GALNT13: variants seen among roughly 807,000 people sequenced by gnomAD.
The protein encoded by GALNT13 is UDP-GalNAc:polypeptide N-acetylgalactosaminyltransferase 13.
GALNT13 carries 28 observed loss-of-function variants against 64.2 expected under a neutral mutation model. The observed-to-expected ratio is 0.44, with a 90% CI of 0.32 to 0.60. The LOEUF (loss-of-function observed/expected upper bound fraction) is 0.60, where lower values mean the gene tolerates loss of function less well. GALNT13 is among the 20% of genes least tolerant of loss of function. The probability of loss-of-function intolerance (pLI) is 0.05; values close to 1 mark genes in which losing one functional copy is unlikely to be tolerated. For synonymous variants in GALNT13, 214 were observed against 224.6 expected (o/e 0.95, Z 0.42); for missense variants, 577 against 669.8 (o/e 0.86, Z 1.53).
intron 4 of GALNT13, among the ~76,000 whole-genome samples, chr2:154,189,704 G>A (rs969041133): frequency 2.5e-4 from 38 of 151,876 alleles, no homozygotes; most frequent in African/African-American, 8.9e-4. Context: ...GATTTGAAAT[G>A]GTAAACATAA....
chr2:153,948,344 C>A (rs1260323595), intron 3 of GALNT13, among the ~76,000 whole-genome samples: 1 of 151,580 alleles, frequency 6.6e-6, no homozygotes, highest in Non-Finnish European at 1.5e-5. Flanking sequence ...ACTAAAAAGT[C>A]AAAAAATAAC....
At chr2:153,524,062 GT>G in the GALNT13 span, among the ~76,000 whole-genome samples, 1 of 152,036 alleles carries the variant, frequency 6.6e-6, no homozygotes, top group African/African-American at 2.4e-5. Context: ...AGATTCATGT[GT>G]TTTTGTTTGT....
chr2:153,767,990 T>TTTGC, the GALNT13 span, among the ~76,000 whole-genome samples: 1 of 152,192 alleles, frequency 6.6e-6, no homozygotes, highest in African/African-American at 2.4e-5. Flanking sequence ...TTTTGTTGCA[T>TTTGC]TTGCTTGTAG....
intron 11 of GALNT13, among the ~76,000 whole-genome samples, chr2:154,424,605 C>A (rs1700393412): frequency 6.6e-6 from 1 of 152,044 alleles, no homozygotes; most frequent in Admixed American, 6.6e-5. Flanking sequence ...TCACCTCAAG[C>A]AAAAGCTGAG....
intron 1 of GALNT13, among the ~76,000 whole-genome samples, chr2:153,900,212 A>G (rs1283083872): frequency 2.0e-5 from 3 of 152,168 alleles, no homozygotes; most frequent in Admixed American, 6.5e-5. Context: ...AACACCGTAT[A>G]TACTCCGTAG....
the GALNT13 span, among the ~76,000 whole-genome samples, chr2:153,091,837 GT>G: frequency 6.6e-6 from 1 of 152,082 alleles, no homozygotes; most frequent in Non-Finnish European, 1.5e-5. Flanking sequence ...ACAGAAGCTT[GT>G]TTACTTGATG....
At chr2:153,995,385 G>A (rs1048978122) in intron 3 of GALNT13, among the ~76,000 whole-genome samples, 4 of 151,994 alleles carry the variant, frequency 2.6e-5, no homozygotes, top group African/African-American at 9.7e-5. Context: ...ACCACTGCCT[G>A]TTCATTTTGG....
At chr2:153,595,855 G>T in the GALNT13 span, among the ~76,000 whole-genome samples, 1 of 152,130 alleles carries the variant, frequency 6.6e-6, no homozygotes, top group Non-Finnish European at 1.5e-5. Context: ...GTTTAATCTT[G>T]TTCTGAGTGT....
At chr2:154,102,214 C>T (rs1327801346) in intron 3 of GALNT13, among the ~76,000 whole-genome samples, 1 of 152,144 alleles carries the variant, frequency 6.6e-6, no homozygotes, top group Non-Finnish European at 1.5e-5. Context: ...TTCTATCTCT[C>T]TATGATAATC....
At chr2:154,091,752 A>G (rs1701820208) in intron 3 of GALNT13, among the ~76,000 whole-genome samples, 1 of 151,984 alleles carries the variant, frequency 6.6e-6, no homozygotes, top group South Asian at 2.1e-4. Flanking sequence ...CTGTTAGAAG[A>G]TAAAAGTAAT....
the GALNT13 span, among the ~76,000 whole-genome samples, chr2:153,191,221 G>A: frequency 3.6e-4 from 55 of 152,052 alleles, no homozygotes; most frequent in African/African-American, 1.2e-3. Context: ...GTCTTATATG[G>A]CCTTTATTAT....
the GALNT13 span, among the ~76,000 whole-genome samples, chr2:153,126,906 A>T: frequency 6.6e-6 from 1 of 152,102 alleles, no homozygotes; most frequent in Non-Finnish European, 1.5e-5. Context: ...GCCCTGAGCC[A>T]GTCCATAGGA....
the GALNT13 span, chr2:153,356,579 C>T: frequency 6.6e-6 from 1 of 152,146 alleles, no homozygotes; most frequent in Non-Finnish European, 1.5e-5. Flanking sequence ...AATGTACTAA[C>T]ATTCTAAAAG....
chr2:153,548,328 C>G, the GALNT13 span, among the ~76,000 whole-genome samples: 1 of 152,168 alleles, frequency 6.6e-6, no homozygotes, highest in Non-Finnish European at 1.5e-5. Flanking sequence ...AATAGTAAGA[C>G]TTGCCACTAC....
chr2:153,514,394 TTTATA>T, the GALNT13 span, among the ~76,000 whole-genome samples: 1 of 152,226 alleles, frequency 6.6e-6, no homozygotes, highest in Non-Finnish European at 1.5e-5. Flanking sequence ...ATTTGGTCAT[TTTATA>T]TTCTTACTCT....
chr2:154,379,225 T>C lies in GALNT13; in HGVS notation c.1157-16766T>C, dbSNP rs185027735. Among the ~76,000 whole-genome samples, 265 of 152,250 alleles carry C rather than the reference T, an allele frequency of 1.7e-3. 1 individual carries two copies. The highest frequency in any genetic ancestry group is 6.1e-3 in the African/African-American group (253 of 41,574). On this transcript the variant is annotated intron_variant, in intron 9 of 12. Coordinates refer to ENST00000392825, the MANE Select transcript of GALNT13 (RefSeq NM_052917.4). Reference sequence around the variant, plus strand: ...GTATTTTCATATGATAATAAAGACATATCATATTGACTAAGGACTACCAAT... The same window carrying C: ...GTATTTTCATATGATAATAAAGACACATCATATTGACTAAGGACTACCAAT...
chr2:154,423,680 T>A (rs697644), intron 11 of GALNT13, among the ~76,000 whole-genome samples: 151,017 of 152,286 alleles, frequency 0.99, 74,892 homozygotes, highest in Middle Eastern at 1. Context: ...GTTAAAATTG[T>A]TCTCTGGGAT....
the GALNT13 span, among the ~76,000 whole-genome samples, chr2:153,404,061 G>C: frequency 2.0e-5 from 3 of 152,192 alleles, no homozygotes; most frequent in Non-Finnish European, 2.9e-5. Flanking sequence ...TTTCATTAGG[G>C]AAGTTGTAAT....
the GALNT13 span, among the ~76,000 whole-genome samples, chr2:153,499,994 G>A: frequency 3.9e-5 from 6 of 152,236 alleles, no homozygotes; most frequent in South Asian, 1.0e-3. Flanking sequence ...CCAGCTCCCT[G>A]GAGTGCACAG....
Sources: allele counts gnomAD v4.1 joint callset (sites outside exome capture counted in the v4.1 genomes callset), GRCh38; gene constraint gnomAD v4.1.1; transcripts MANE v1.5; gene names NCBI Gene and HGNC (gene_info 2026-07-23, HGNC 2026-07-21).